Variants in CADM2 observed in about 807,000 individuals in gnomAD.
The protein encoded by CADM2 is immunoglobulin superfamily member 4D.
CADM2 carries 12 observed loss-of-function variants against 49.8 expected under a neutral mutation model. The observed-to-expected ratio is 0.24, with a 90% confidence interval of 0.15 to 0.39. The LOEUF is 0.39. Ranked by LOEUF, CADM2 falls within the 10% of genes least tolerant of loss-of-function variation. CADM2 has a pLI of 1.00. For synonymous variants in CADM2, 214 were observed against 175.4 expected (o/e 1.22, Z -1.74); for missense variants, 378 against 492.3 (o/e 0.77, Z 2.20).
chr3:85,070,792 A>T (rs924401527), intron 1 of CADM2, among the ~76,000 whole-genome samples: 1 of 152,002 alleles, frequency 6.6e-6, no homozygotes, highest in Non-Finnish European at 1.5e-5. Context: ...AGAGATCAAG[A>T]CCATCCTGGC....
intron 1 of CADM2, among the ~76,000 whole-genome samples, chr3:85,681,747 T>C (rs995307514): frequency 6.6e-6 from 1 of 152,172 alleles, no homozygotes; most frequent in African/African-American, 2.4e-5. Context: ...AACTTCATAG[T>C]AGCACAGAGA....
chr3:85,640,043 A>G (rs2064660425), intron 1 of CADM2, among the ~76,000 whole-genome samples: 1 of 152,164 alleles, frequency 6.6e-6, no homozygotes, highest in Admixed American at 6.5e-5. Flanking sequence ...GCACCTACTG[A>G]GTGCCGAGCA....
intron 3 of CADM2, among the ~76,000 whole-genome samples, chr3:85,820,771 T>C (rs2073507040): frequency 6.6e-6 from 1 of 152,104 alleles, no homozygotes; most frequent in South Asian, 2.1e-4. Context: ...AGAGTAGATA[T>C]GTATTATCAG....
intron 1 of CADM2, among the ~76,000 whole-genome samples, chr3:85,368,753 G>T (rs1026984853): frequency 6.6e-6 from 1 of 151,822 alleles, no homozygotes; most frequent in South Asian, 2.1e-4. Flanking sequence ...AACTATTTTT[G>T]TGTAACATTT....
At chr3:85,273,817 C>G (rs1001874581) in intron 1 of CADM2, among the ~76,000 whole-genome samples, 12 of 150,524 alleles carry the variant, frequency 8.0e-5, no homozygotes, top group Admixed American at 8.0e-4. Context: ...ATTTTCACAT[C>G]TGTGGTAATT....
intron 1 of CADM2, among the ~76,000 whole-genome samples, chr3:85,269,145 T>G (rs72919209): frequency 0.22 from 33,927 of 151,112 alleles, 6,103 homozygotes; most frequent in African/African-American, 0.5. Flanking sequence ...TAACACAAAA[T>G]CTAGGGAAAC....
chr3:85,625,402 A>T (rs2064095536), intron 1 of CADM2, among the ~76,000 whole-genome samples: 1 of 152,108 alleles, frequency 6.6e-6, no homozygotes, highest in Admixed American at 6.6e-5. Flanking sequence ...AGTTATCTTA[A>T]ACCAAATCTG....
At chr3:85,749,728 G>C (rs1657139594) in intron 2 of CADM2, among the ~76,000 whole-genome samples, 2 of 152,008 alleles carry the variant, frequency 1.3e-5, no homozygotes, top group Admixed American at 1.3e-4. Context: ...TTCATATGCA[G>C]AGGTTCATGA....
intron 8 of CADM2, among the ~76,000 whole-genome samples, chr3:86,011,284 A>G (rs968561133): frequency 9.9e-5 from 15 of 152,150 alleles, no homozygotes; most frequent in African/African-American, 3.1e-4. Flanking sequence ...AGAATCACTA[A>G]TCTTTAAAAA....
At chr3:85,433,499 GAC>G (rs969121646) in intron 1 of CADM2, among the ~76,000 whole-genome samples, 17 of 151,988 alleles carry the variant, frequency 1.1e-4, no homozygotes, top group Non-Finnish European at 2.4e-4. Flanking sequence ...GCTTACTTGT[GAC>G]TACCCGCCTG....
At chr3:86,054,437 C>A (rs1435920773) in intron 8 of CADM2, among the ~76,000 whole-genome samples, 1 of 151,966 alleles carries the variant, frequency 6.6e-6, no homozygotes, top group African/African-American at 2.4e-5. Flanking sequence ...TATTGTGTGT[C>A]TAGTGTATTG....
intron 8 of CADM2, among the ~76,000 whole-genome samples, chr3:85,971,227 C>T (rs1366785356): frequency 2.0e-5 from 3 of 151,560 alleles, no homozygotes; most frequent in African/African-American, 7.3e-5. Context: ...TATGGACTCT[C>T]GTATGTCCTG....
chr3:85,282,802 C>T (rs184893201), intron 1 of CADM2, among the ~76,000 whole-genome samples: 44 of 151,902 alleles, frequency 2.9e-4, no homozygotes, highest in Non-Finnish European at 5.6e-4. Flanking sequence ...TGGCTATATA[C>T]GTTCTTCTGT....
chr3:85,067,387 G>T (rs1240023862), intron 1 of CADM2, among the ~76,000 whole-genome samples: 3 of 151,980 alleles, frequency 2.0e-5, no homozygotes, highest in Non-Finnish European at 2.9e-5. Context: ...ATTATAATGT[G>T]AAATTTGTTA....
chr3:85,724,234 CT>C (rs1444310959), intron 1 of CADM2, among the ~76,000 whole-genome samples: 16 of 151,930 alleles, frequency 1.1e-4, no homozygotes, highest in African/African-American at 2.2e-4. Context: ...TTCTCTCTTC[CT>C]TTTTTTCTCT....
chr3:85,675,301 A>G (rs1008320115), intron 1 of CADM2, among the ~76,000 whole-genome samples: 1 of 152,132 alleles, frequency 6.6e-6, no homozygotes, highest in African/African-American at 2.4e-5. Context: ...TTTAAGTGCA[A>G]TTTTATAGAA....
At chr3:85,166,905 A>T (rs970851410) in intron 1 of CADM2, among the ~76,000 whole-genome samples, 3 of 152,046 alleles carry the variant, frequency 2.0e-5, no homozygotes, top group African/African-American at 7.2e-5. Flanking sequence ...TGATAAAATT[A>T]AAATACATTT....
intron 1 of CADM2, among the ~76,000 whole-genome samples, chr3:85,354,965 T>C (rs1216895583): frequency 6.6e-6 from 1 of 152,098 alleles, no homozygotes; most frequent in Non-Finnish European, 1.5e-5. Flanking sequence ...CGGAAACCCA[T>C]GTCCAAAAAA....
intron 6 of CADM2, among the ~76,000 whole-genome samples, chr3:85,933,598 A>G (rs1298333345): frequency 6.6e-6 from 1 of 152,124 alleles, no homozygotes; most frequent in Non-Finnish European, 1.5e-5. Context: ...ATTGTGAGGA[A>G]TTGTCCATGT....
Sources: allele counts gnomAD v4.1 joint callset (sites outside exome capture counted in the v4.1 genomes callset), GRCh38; gene constraint gnomAD v4.1.1; transcripts MANE v1.5; gene names NCBI Gene and HGNC (gene_info 2026-07-23, HGNC 2026-07-21).